Variants in ALK observed in about 807,000 individuals in gnomAD.
The protein encoded by ALK is ALK receptor tyrosine kinase, also known as ALK tyrosine kinase receptor.
A neutral mutation model predicts 163.1 loss-of-function variants in ALK; 74 were observed. The observed-to-expected ratio is 0.45, with a 90% confidence interval of 0.38 to 0.55. The LOEUF (loss-of-function observed/expected upper bound fraction) is 0.55. Among genes scored for constraint, ALK ranks in the 20% least tolerant of loss-of-function variants. ALK has a pLI of 0.00. For synonymous variants in ALK, 960 were observed against 843.2 expected (o/e 1.14, Z -2.40); for missense variants, 2,063 against 2,105.3 (o/e 0.98, Z 0.39).
At chr2:29,322,318 G>T (rs184605315) in intron 6 of ALK, among the ~76,000 whole-genome samples, 1 of 152,330 alleles carries the variant, frequency 6.6e-6, no homozygotes, top group African/African-American at 2.4e-5. Flanking sequence ...ATTAAAACAG[G>T]CTGTCACTGA....
rs57869697 is a variant in ALK, at chr2:29,619,000, TAA to T, written c.952+75848_952+75849del. Among the ~76,000 whole-genome samples the T allele has an allele frequency of 4.4e-3, 656 of 147,930 alleles. 7 individuals are homozygous for T. The highest frequency in any genetic ancestry group is 0.015 in the African/African-American group (600 of 39,634). On this transcript the variant is annotated intron_variant, in intron 3 of 28. Transcript: ENST00000389048. ...TCTCAAAAAATAAATAAAAAATAAA[TAA>T]AAAAAAAAAACACTTGAAAAATAGT...
chr2:29,415,437 T>C (rs1325183001), intron 4 of ALK, among the ~76,000 whole-genome samples: 1 of 152,110 alleles, frequency 6.6e-6, no homozygotes, highest in Non-Finnish European at 1.5e-5. Flanking sequence ...TGAAGCTCTA[T>C]TTGGTCACCT....
At chr2:29,572,137 T>A (rs1157378134) in intron 3 of ALK, among the ~76,000 whole-genome samples, 1 of 152,210 alleles carries the variant, frequency 6.6e-6, no homozygotes, top group Non-Finnish European at 1.5e-5. Flanking sequence ...CTAAGGCCTG[T>A]GTTGAGTATC....
intron 1 of ALK, among the ~76,000 whole-genome samples, chr2:29,881,131 A>T (rs946513901): frequency 5.3e-5 from 8 of 152,180 alleles, no homozygotes; most frequent in African/African-American, 1.9e-4. Context: ...AATTGTATGG[A>T]ACAGAGAAAG....
intron 4 of ALK, among the ~76,000 whole-genome samples, chr2:29,424,142 T>C (rs942377431): frequency 6.6e-6 from 1 of 152,168 alleles, no homozygotes; most frequent in Non-Finnish European, 1.5e-5. Flanking sequence ...ACTTAAAAGA[T>C]AAAGCTCAGT....
At chr2:29,776,869 C>A (rs1681191398) in intron 1 of ALK, among the ~76,000 whole-genome samples, 1 of 152,120 alleles carries the variant, frequency 6.6e-6, no homozygotes, top group Non-Finnish European at 1.5e-5. Flanking sequence ...ACGTCAAGTC[C>A]TAGAAGCTAA....
chr2:29,273,317 C>T (rs998268515), intron 11 of ALK, among the ~76,000 whole-genome samples: 16 of 152,244 alleles, frequency 1.1e-4, no homozygotes, highest in Non-Finnish European at 1.8e-4. Flanking sequence ...CCCATAGGCA[C>T]TACCTCAGTA....
chr2:29,789,117 A>G (rs752597605), intron 1 of ALK, among the ~76,000 whole-genome samples: 8 of 151,108 alleles, frequency 5.3e-5, no homozygotes, highest in African/African-American at 7.3e-5. Flanking sequence ...GCAATATCCC[A>G]AGGCAATATG....
At chr2:29,598,410 T>C (rs1675278396) in intron 3 of ALK, among the ~76,000 whole-genome samples, 1 of 152,102 alleles carries the variant, frequency 6.6e-6, no homozygotes, top group Admixed American at 6.5e-5. Context: ...CATGGACTAG[T>C]GTAACAGAAC....
At chr2:29,493,346 C>T (rs1000084412) in intron 4 of ALK, among the ~76,000 whole-genome samples, 7 of 152,200 alleles carry the variant, frequency 4.6e-5, no homozygotes, top group African/African-American at 1.4e-4. Context: ...GCCTCATCCC[C>T]AAACTCTGCT....
At chr2:29,464,062 T>A (rs2148105009) in intron 4 of ALK, among the ~76,000 whole-genome samples, 1 of 152,280 alleles carries the variant, frequency 6.6e-6, no homozygotes, top group East Asian at 1.9e-4. Context: ...GATTTACAAA[T>A]TACTTAACTG....
chr2:29,854,131 C>T (rs1033847513), intron 1 of ALK, among the ~76,000 whole-genome samples: 9 of 152,230 alleles, frequency 5.9e-5, no homozygotes, highest in Middle Eastern at 3.4e-3. Context: ...GTCTTTCTCG[C>T]ACGTCATTGA....
intron 9 of ALK, among the ~76,000 whole-genome samples, chr2:29,287,558 A>T (rs1665893109): frequency 6.6e-6 from 1 of 152,186 alleles, no homozygotes; most frequent in Non-Finnish European, 1.5e-5. Context: ...ATGACTGAAA[A>T]TTTTTGTTTC....
intron 1 of ALK, among the ~76,000 whole-genome samples, chr2:29,820,073 C>T (rs1018059407): frequency 1.3e-5 from 2 of 152,196 alleles, no homozygotes; most frequent in African/African-American, 2.4e-5. Context: ...GAGCATAATT[C>T]CTTCCTCTGT....
chr2:29,322,867 C>A (rs1212392272), intron 6 of ALK, among the ~76,000 whole-genome samples: 1 of 152,158 alleles, frequency 6.6e-6, no homozygotes, highest in Non-Finnish European at 1.5e-5. Flanking sequence ...AAACAAAACA[C>A]CCCAGGGCCC....
At chr2:29,697,734 T>C (rs1402232473) in intron 2 of ALK, among the ~76,000 whole-genome samples, 1 of 152,186 alleles carries the variant, frequency 6.6e-6, no homozygotes, top group East Asian at 1.9e-4. Context: ...ACTTTGGTTT[T>C]CTCACCAAAA....
At chr2:29,394,971 T>C (rs572510258) in intron 4 of ALK, among the ~76,000 whole-genome samples, 6 of 152,212 alleles carry the variant, frequency 3.9e-5, no homozygotes, top group Non-Finnish European at 5.9e-5. Context: ...TTCAGTCCAG[T>C]CTGCCTCCAG....
chr2:29,836,904 T>C (rs1665576391), intron 1 of ALK, among the ~76,000 whole-genome samples: 4 of 152,168 alleles, frequency 2.6e-5, no homozygotes. Flanking sequence ...TTGGTCAAGA[T>C]AAAATAACTG....
chr2:29,378,644 G>A (rs1485848795), intron 5 of ALK, among the ~76,000 whole-genome samples: 1 of 152,172 alleles, frequency 6.6e-6, no homozygotes, highest in African/African-American at 2.4e-5. Flanking sequence ...GGAAGAGCTA[G>A]ATGAGGGTTT....
Sources: allele counts gnomAD v4.1 joint callset (sites outside exome capture counted in the v4.1 genomes callset), GRCh38; gene constraint gnomAD v4.1.1; transcripts MANE v1.5; gene names NCBI Gene and HGNC (gene_info 2026-07-23, HGNC 2026-07-21).